CPNE2: variants seen among roughly 807,000 people sequenced by gnomAD.
CPNE2 encodes copine-2.
CPNE2 carries 42 observed loss-of-function variants against 69.7 expected under a neutral mutation model. That is an observed-to-expected ratio of 0.60 (90% CI 0.47 to 0.78). The LOEUF (loss-of-function observed/expected upper bound fraction) is 0.78, where lower values mean the gene tolerates loss of function less well. Among genes scored for constraint, CPNE2 ranks in the 30% least tolerant of loss-of-function variants. The probability of loss-of-function intolerance (pLI) is 0.00; values close to 1 mark genes in which losing one functional copy is unlikely to be tolerated. For missense variants in CPNE2, 587 were observed against 732.0 expected, an observed-to-expected ratio of 0.80 and a Z score of 2.29; for synonymous variants, 294 against 289.8, an observed-to-expected ratio of 1.01 and a Z score of -0.15.
rs1287895227 is a variant in CPNE2, at chr16:57,119,597, T to C, written c.628T>C (p.Phe210Leu). 1 of 1,613,234 alleles carries C rather than the reference T, an allele frequency of 6.2e-7. No individual in the cohort carries two copies. The highest frequency in any genetic ancestry group is 2.2e-5 in the East Asian group (1 of 44,868). The part of the protein sequence containing the change: ...KYTLDPVWKP[F>L]TVPLVSLCDG... Reference sequence around the variant, plus strand: ...CACACTGGACCCTGTGTGGAAGCCATTCACAGTGCCCTTGGTGTCCCTGTG... The same window carrying C: ...CACACTGGACCCTGTGTGGAAGCCACTCACAGTGCCCTTGGTGTCCCTGTG... Residue 210 changes from phenylalanine (F) to leucine (L), a missense_variant, in exon 7 of 16, where the codon TTC (phenylalanine) becomes CTC (leucine). Phe to Leu is a conservative substitution (Grantham distance 22, BLOSUM62 0). Coordinates refer to ENST00000290776, the MANE Select transcript of CPNE2 (RefSeq NM_152727.6).
At chr16:57,132,929 AG>A (rs1237617792) in intron 12 of CPNE2, among the ~76,000 whole-genome samples, 1 of 151,952 alleles carries the variant, frequency 6.6e-6, no homozygotes, top group Non-Finnish European at 1.5e-5. Flanking sequence ...CCAAATAAAG[AG>A]GGGGGAAGAG....
intron 12 of CPNE2, among the ~76,000 whole-genome samples, chr16:57,131,837 C>G (rs1187047338): frequency 6.6e-6 from 1 of 152,118 alleles, no homozygotes; most frequent in Non-Finnish European, 1.5e-5. Flanking sequence ...ACTCAGCCCG[C>G]TGCTCCCTCT....
At position 57,143,033 on chromosome 16, in the gene CPNE2, C is replaced by T. The variant is rs909804839; in HGVS notation, c.1303-3052C>T. On this transcript the variant is annotated intron_variant, in intron 14 of 15. Coordinates refer to ENST00000290776, the MANE Select transcript of CPNE2 (RefSeq NM_152727.6). ...GTGGGAATGCTGGGGACAGGGTGAACCAGGACCACCTGCAGGGACAACAGA... is the reference window on the plus strand; with the variant it reads ...GTGGGAATGCTGGGGACAGGGTGAATCAGGACCACCTGCAGGGACAACAGA... The T allele has an allele frequency of 3.3e-5, 5 of 152,236 alleles. 1 individual carries two copies. Among genetic ancestry groups the T allele is most frequent in the Admixed American group, 1.3e-4 (2 of 15,286 alleles). 9.4% of individuals were successfully genotyped at this position (152,236 alleles called of 1,614,324 possible).
At position 57,115,492 on chromosome 16, in the gene CPNE2, A is replaced by T; in HGVS notation, c.377A>T (p.Lys126Met). ...CSLGTIVSSKKITRPLLLLND... is the reference protein window; with the variant it reads ...CSLGTIVSSKMITRPLLLLND... ...CTCCCCTAGATCGTCTCCAGCAAGA[A>T]GATCACTAGGCCTCTGCTGCTGCTG... Residue 126 changes from lysine (K) to methionine (M), a missense_variant, in exon 4 of 16, where the codon AAG becomes ATG. Transcript: ENST00000290776. The T allele has an allele frequency of 6.2e-7, 1 of 1,612,092 alleles. No individual in the cohort carries two copies. The highest frequency in any genetic ancestry group is 8.5e-7 in the Non-Finnish European group (1 of 1,178,950).
At chr16:57,119,073 G>T (rs1243149907) in intron 5 of CPNE2, 122 bp from the exon 6 acceptor site, 3 of 827,238 alleles carry the variant, frequency 3.6e-6, no homozygotes, top group Non-Finnish European at 6.0e-6. Flanking sequence ...AGGGGGCCAG[G>T]CTGGCTCTGC....
intron 3 of CPNE2, among the ~76,000 whole-genome samples, chr16:57,114,822 G>A (rs2069706247): frequency 6.6e-6 from 1 of 150,440 alleles, no homozygotes; most frequent in Non-Finnish European, 1.5e-5. Flanking sequence ...AATTGGCCGG[G>A]CTCTATAGCT....
At position 57,130,323 on chromosome 16, in the gene CPNE2, G is replaced by A. The variant is rs1360595575; in HGVS notation, c.1116+2420G>A. ...GAGCCCAGTGAGCTATGAGTGCACT[G>A]CACTCCAGCCTGGGTGACAGAGTGA... On this transcript the variant is annotated intron_variant, in intron 12 of 15. Coordinates refer to ENST00000290776, the MANE Select transcript of CPNE2 (RefSeq NM_152727.6). The surrounding 1 kb of genome is among the most constrained non-coding windows in gnomAD (Gnocchi z 4.1). Among the ~76,000 whole-genome samples, 1 of 152,062 alleles carries A rather than the reference G, an allele frequency of 6.6e-6. No individual in the cohort carries two copies. Among genetic ancestry groups the A allele is most frequent in the Non-Finnish European group, 1.5e-5 (1 of 68,014 alleles).
intron 12 of CPNE2, among the ~76,000 whole-genome samples, chr16:57,129,864 G>A (rs1306692603): frequency 1.3e-5 from 2 of 152,064 alleles, no homozygotes; most frequent in Non-Finnish European, 2.9e-5. Flanking sequence ...TTGGGCTCTG[G>A]GGAGACAGAG....
chr16:57,133,122 C>A (rs1240006729), intron 12 of CPNE2, among the ~76,000 whole-genome samples: 1 of 152,148 alleles, frequency 6.6e-6, no homozygotes, highest in Non-Finnish European at 1.5e-5. Context: ...ACAAGCCCCC[C>A]TCGTAATCTC....
chr16:57,120,883 C>T (rs1567669050), intron 7 of CPNE2, among the ~76,000 whole-genome samples: 1 of 152,156 alleles, frequency 6.6e-6, no homozygotes, highest in Non-Finnish European at 1.5e-5. Flanking sequence ...CAGCCTCCAT[C>T]AGTGGGGCAG....
Position 57,134,385 on chromosome 16 carries a change from G to A in CPNE2, c.1117-390G>A, listed in dbSNP as rs181212945. Among the ~76,000 whole-genome samples, 30 of 152,304 alleles carry A rather than the reference G, an allele frequency of 2.0e-4. No homozygotes were observed. The East Asian group carries it at 5.4e-3, about 27-fold the overall frequency. On this transcript the variant is annotated intron_variant, in intron 12 of 15. Transcript: ENST00000290776. ...AAAAGCCTCTGAAGCCCAGAGAAGC[G>A]GTGCTCTAGTTGTGGAGCCCACATC... is the stretch of plus-strand genomic sequence containing the variant.
intron 4 of CPNE2, among the ~76,000 whole-genome samples, chr16:57,116,594 C>A (rs158619): frequency 0.4 from 61,134 of 152,148 alleles, 13,947 homozygotes; most frequent in Admixed American, 0.53. Flanking sequence ...GCAGCTTCCA[C>A]CTAGAAGCCA....
At chr16:57,124,705 A>G in intron 10 of CPNE2, 1 of 247,234 alleles carries the variant, frequency 4.0e-6, no homozygotes, top group Non-Finnish European at 8.3e-6. Context: ...CTGGGGTGCC[A>G]CGCTCTGCCC....
intron 12 of CPNE2, among the ~76,000 whole-genome samples, chr16:57,131,592 G>A (rs2069838787): frequency 1.3e-5 from 2 of 152,246 alleles, no homozygotes. Flanking sequence ...ATGTCACAGG[G>A]CGATGCTGGG....
chr16:57,119,199 T>C lies in CPNE2; in HGVS notation c.512T>C (p.Leu171Pro). 1 of 1,614,010 alleles carries C rather than the reference T, an allele frequency of 6.2e-7. No homozygotes were observed. The highest frequency in any genetic ancestry group is 8.5e-7 in the Non-Finnish European group (1 of 1,179,926). Residue 171 changes from leucine to proline, a missense_variant, in exon 6 of 16, where the codon CTC becomes CCC. This residue lies in a region of CPNE2 where 269 missense variants were observed against 300.5 expected (regional missense o/e 0.90). Coordinates refer to ENST00000290776, the MANE Select transcript of CPNE2 (RefSeq NM_152727.6). The part of the protein sequence containing the change: ...LAGRRLDKKD[L>P]FGKSDPFLEF... The stretch of plus-strand genomic sequence containing the variant: ...GCATCCTCCCACTTCTCCCAGGACC[T>C]CTTTGGGAAGTCAGACCCCTTTCTG...
rs2069777528 is a variant in CPNE2 at position 57,123,442 on chromosome 16, A to G, written c.896A>G (p.Tyr299Cys). 7 of 1,613,262 alleles carry G rather than the reference A, an allele frequency of 4.3e-6. No homozygotes were observed. The highest frequency in any genetic ancestry group is 5.9e-6 in the Non-Finnish European group (7 of 1,180,030). The change falls in exon 10 of 16, where the codon TAC becomes TGC. Residue 299 changes from tyrosine to cysteine, a missense_variant. Around this residue, in one of 5 missense-constraint regions of CPNE2, gnomAD observed 269 missense variants for 300.5 expected, o/e 0.90. Coordinates refer to ENST00000290776, the MANE Select transcript of CPNE2 (RefSeq NM_152727.6). Reference protein sequence around the residue: ...KINRDYSFLDYILGGCQLMFT... With the variant: ...KINRDYSFLDCILGGCQLMFT... ...AACCGAGACTACTCCTTCCTTGACTACATCCTGGGAGGCTGCCAGCTCATG... is the reference window on the plus strand; with the variant it reads ...AACCGAGACTACTCCTTCCTTGACTGCATCCTGGGAGGCTGCCAGCTCATG...
At chr16:57,118,754 T>C (rs1056534828) in intron 5 of CPNE2, among the ~76,000 whole-genome samples, 2 of 152,174 alleles carry the variant, frequency 1.3e-5, no homozygotes, top group Non-Finnish European at 2.9e-5. Flanking sequence ...CCTTAAATGA[T>C]TTTTTAAAGG....
At chr16:57,101,210 G>A (rs975101825) in intron 1 of CPNE2, among the ~76,000 whole-genome samples, 6 of 152,150 alleles carry the variant, frequency 3.9e-5, no homozygotes, top group East Asian at 1.9e-4. Flanking sequence ...TTCCAGCCCC[G>A]ACAATCGCAT....
intron 5 of CPNE2, among the ~76,000 whole-genome samples, chr16:57,118,069 T>A (rs2069732933): frequency 6.6e-6 from 1 of 152,042 alleles, no homozygotes; most frequent in South Asian, 2.1e-4. Context: ...TGCTCCCACA[T>A]CACCTCCTCA....
Sources: allele counts gnomAD v4.1 joint callset (sites outside exome capture counted in the v4.1 genomes callset), GRCh38; gene constraint gnomAD v4.1.1; regional missense constraint gnomAD v4.1.1; non-coding constraint Gnocchi (gnomAD v3.1); transcripts MANE v1.5; gene names NCBI Gene and HGNC (gene_info 2026-07-23, HGNC 2026-07-21).